ABCA12: variants seen among roughly 807,000 people sequenced by gnomAD.
ABCA12 encodes the protein ATP binding cassette subfamily A member 12.
Under a neutral mutation model 293.5 loss-of-function variants are expected in ABCA12, and 156 were observed. That is an observed-to-expected ratio of 0.53 (90% CI 0.47 to 0.61). The LOEUF is 0.61. Among genes scored for constraint, ABCA12 ranks in the 20% least tolerant of loss-of-function variants. ABCA12 has a pLI of 0.00. For synonymous variants in ABCA12, 1,063 were observed against 1,108.0 expected, an observed-to-expected ratio of 0.96 and a Z score of 0.81; for missense variants, 2,797 against 3,090.2, an observed-to-expected ratio of 0.91 and a Z score of 2.25.
chr2:214,987,500 G>T (rs1178629235), intron 27 of ABCA12, 147 bp downstream of exon 27: 1 of 1,076,820 alleles, frequency 9.3e-7, no homozygotes, highest in Non-Finnish European at 1.3e-6. Flanking sequence ...CCCCATAAGA[G>T]TCCAAAGACG....
At chr2:215,021,400 G>C (rs557657636) in intron 11 of ABCA12, among the ~76,000 whole-genome samples, 1 of 152,300 alleles carries the variant, frequency 6.6e-6, no homozygotes, top group Admixed American at 6.5e-5. Context: ...GGAAAAAGAG[G>C]AAAATGAAAA....
intron 2 of ABCA12, chr2:215,080,674 G>A (rs1701919572): frequency 6.5e-6 from 1 of 152,886 alleles, no homozygotes; most frequent in African/African-American, 2.4e-5. Flanking sequence ...GCACTTTATA[G>A]GCTAGAAAAG....
intron 1 of ABCA12, among the ~76,000 whole-genome samples, chr2:215,129,954 A>T (rs905139355): frequency 2.0e-5 from 3 of 152,166 alleles, no homozygotes; most frequent in African/African-American, 7.2e-5. Flanking sequence ...ATGGCTAGCT[A>T]GTTACCCAGC....
chr2:214,993,765 G>A (rs1419931085), intron 23 of ABCA12, among the ~76,000 whole-genome samples: 1 of 152,180 alleles, frequency 6.6e-6, no homozygotes, highest in East Asian at 1.9e-4. Context: ...TAAAGCTGAT[G>A]TCATGTGTAT....
intron 13 of ABCA12, among the ~76,000 whole-genome samples, chr2:215,018,792 CT>C (rs138752583): frequency 2.0e-5 from 3 of 152,142 alleles, no homozygotes; most frequent in Non-Finnish European, 4.4e-5. Context: ...GCAAATATAT[CT>C]TTTTTTTATT....
Position 214,989,127 on chromosome 2 carries a change from C to T in ABCA12, c.3829+202G>A, listed in dbSNP as rs546193214. ...CTGGGAGGTGGAGGTTGCAGTGAGC[C>T]GAGATCACGCCACTGCACTCCAGCC... On this transcript the variant is annotated intron_variant, in intron 26 of 52. Coordinates refer to ENST00000272895, the MANE Select transcript of ABCA12 (RefSeq NM_173076.3). Among the ~76,000 whole-genome samples, 4 of 132,562 alleles carry T rather than the reference C, an allele frequency of 3.0e-5. No individual in the cohort carries two copies. In the East Asian group the frequency reaches 6.8e-4, roughly 23 times the overall value. 87.0% of individuals were successfully genotyped at this position (132,562 alleles called of 152,430 possible).
At chr2:215,134,461 T>C (rs1305365903) in intron 1 of ABCA12, among the ~76,000 whole-genome samples, 1 of 144,954 alleles carries the variant, frequency 6.9e-6, no homozygotes, top group African/African-American at 2.6e-5. Context: ...TGTACATATA[T>C]GCATATGTGT....
Position 214,968,736 on chromosome 2 carries a change from T to G in ABCA12, c.5762A>C (p.Asn1921Thr). 2.5e-6 allele frequency: 4 copies of G among 1,613,324 alleles called. No individual in the cohort carries two copies. In the South Asian group the frequency reaches 4.4e-5, roughly 18 times the overall value. Residue 1921 changes from asparagine (N) to threonine (T), a missense_variant, in exon 38 of 53, where the codon AAT becomes ACT. Asn to Thr is a moderately conservative substitution (Grantham distance 65). Around this residue, in one of 3 missense-constraint regions of ABCA12, gnomAD observed 2,130 missense variants for 2,427.0 expected, o/e 0.88. Coordinates refer to ENST00000272895, the MANE Select transcript of ABCA12 (RefSeq NM_173076.3). ...AAAATTTACCTTGGCAAGTGTTCTA[T>G]TGGCAGGGACTCCTGTTATATCAAA... ...LRFDITGVPA[N>T]RTLAKVWYDP...
intron 1 of ABCA12, among the ~76,000 whole-genome samples, chr2:215,112,493 T>G (rs1702594894): frequency 3.0e-5 from 1 of 33,664 alleles, no homozygotes; most frequent in African/African-American, 3.6e-5. Context: ...TTTGTTTTTT[T>G]TTTGTTTTTT....
intron 2 of ABCA12, among the ~76,000 whole-genome samples, chr2:215,093,012 A>G (rs1385374381): frequency 6.6e-6 from 1 of 152,096 alleles, no homozygotes; most frequent in Non-Finnish European, 1.5e-5. Context: ...CTTTCTTTCC[A>G]TCCATGTGCT....
At chr2:215,026,182 AT>A in intron 10 of ABCA12, among the ~76,000 whole-genome samples, 1 of 152,260 alleles carries the variant, frequency 6.6e-6, no homozygotes, top group South Asian at 2.1e-4. Context: ...GGACTTAAAT[AT>A]TTGTTGTGCT....
intron 1 of ABCA12, among the ~76,000 whole-genome samples, chr2:215,127,367 C>T (rs182443022): frequency 1.2e-4 from 19 of 152,172 alleles, no homozygotes; most frequent in East Asian, 5.8e-4. Flanking sequence ...ACCTTGATGA[C>T]GTGTCTAATG....
intron 18 of ABCA12, among the ~76,000 whole-genome samples, chr2:215,008,235 T>C (rs1700295977): frequency 6.6e-6 from 1 of 152,202 alleles, no homozygotes; most frequent in Non-Finnish European, 1.5e-5. Flanking sequence ...GAATAGATGT[T>C]AGAGGTTTTT....
chr2:214,987,928 G>A (rs1053599481), intron 26 of ABCA12, 135 bp from the exon 27 acceptor site: 2 of 1,176,106 alleles, frequency 1.7e-6, no homozygotes, highest in Non-Finnish European at 2.4e-6. Context: ...CTAAAAGGTG[G>A]TCTCAGTTTC....
rs751192243 is a variant in ABCA12, at chr2:214,989,376, G to A, written c.3782C>T (p.Ser1261Phe). Residue 1261 changes from serine to phenylalanine, a missense_variant, in exon 26 of 53, where the codon TCT (serine) becomes TTT (phenylalanine). Coordinates refer to ENST00000272895, the MANE Select transcript of ABCA12 (RefSeq NM_173076.3). ...CCAAGCAATAAGGAAATAAATGAAA[G>A]AGTCAGCTAGGATTAGACAGCACAG... Reference protein sequence around the residue: ...GWLCCLILADSFIYFLIAWYV... With the variant: ...GWLCCLILADFFIYFLIAWYV... 1.2e-6 allele frequency: 2 copies of A among 1,613,444 alleles called. No individual in the cohort carries two copies. The highest frequency in any genetic ancestry group is 2.7e-5 in the African/African-American group (2 of 74,844).
intron 7 of ABCA12, among the ~76,000 whole-genome samples, chr2:215,037,837 T>TCCAAAA (rs1466637160): frequency 6.6e-6 from 1 of 152,188 alleles, no homozygotes; most frequent in East Asian, 1.9e-4. Context: ...CATTTCTACA[T>TCCAAAA]TATATAAGTA....
intron 30 of ABCA12, 126 bp from the exon 31 acceptor site, chr2:214,980,769 AACTG>A (rs1469853051): frequency 4.0e-6 from 5 of 1,257,666 alleles, no homozygotes; most frequent in Admixed American, 3.8e-5. Flanking sequence ...CTAACTGAAA[AACTG>A]ACTGACCTCA....
At chr2:214,946,116 T>C (rs753890156) in intron 48 of ABCA12, among the ~76,000 whole-genome samples, 12 of 152,100 alleles carry the variant, frequency 7.9e-5, no homozygotes, top group Non-Finnish European at 1.5e-4. Context: ...TTTGAGGTGA[T>C]AGATAAGCTA....
chr2:215,092,131 T>A (rs1299610468), intron 2 of ABCA12, among the ~76,000 whole-genome samples: 1 of 152,194 alleles, frequency 6.6e-6, no homozygotes, highest in Admixed American at 6.5e-5. Flanking sequence ...ACTCTTACAG[T>A]GGAGGGTAAG....
Sources: gnomAD v4.1 joint callset for allele counts (sites outside exome capture counted in the v4.1 genomes callset) on GRCh38, gnomAD v4.1.1 for gene constraint, gnomAD v4.1.1 regional missense constraint, MANE v1.5 for transcripts, NCBI Gene and HGNC (gene_info 2026-07-23, HGNC 2026-07-21) for gene names.